The following KALRN variants were observed in gnomAD, a reference collection of about 807,000 sequenced individuals.
KALRN encodes the protein kalirin.
A neutral mutation model predicts 353.7 loss-of-function variants in KALRN; 70 were observed. The observed-to-expected ratio is 0.20, with a 90% CI of 0.16 to 0.24. KALRN has a LOEUF of 0.24. Among genes scored for constraint, KALRN ranks in the 10% least tolerant of loss-of-function variants. The pLI, the probability that KALRN is intolerant of heterozygous loss-of-function variation, is 1.00. For synonymous variants in KALRN, 1,391 were observed against 1,434.8 expected (o/e 0.97, Z 0.69); for missense variants, 2,791 against 3,756.7 (o/e 0.74, Z 6.72).
At chr3:124,130,394 T>A (rs190906864) in intron 1 of KALRN, among the ~76,000 whole-genome samples, 203 of 152,326 alleles carry the variant, frequency 1.3e-3, no homozygotes, top group East Asian at 7.1e-3. Flanking sequence ...AGATTTTTTT[T>A]AAAAACTGCT....
chr3:124,183,182 T>G (rs1304699352), intron 1 of KALRN, among the ~76,000 whole-genome samples: 3 of 152,230 alleles, frequency 2.0e-5, no homozygotes, highest in African/African-American at 4.8e-5. Flanking sequence ...GAGACTGTGT[T>G]AAGCTGTTCT....
chr3:124,573,383 C>A (rs549765166), intron 34 of KALRN, among the ~76,000 whole-genome samples: 157 of 152,324 alleles, frequency 1.0e-3, no homozygotes, highest in African/African-American at 3.7e-3. Context: ...AAGTTCCCTG[C>A]CTGCTCTTTG....
Position 124,577,493 on chromosome 3 carries a change from G to A in KALRN, c.5182+14404G>A, listed in dbSNP as rs41323545. ...TAAGAAGGAGAAGAGATTACTATGC[G>A]TGATTCTGGCAAGCACACTTTTTCT... On this transcript the variant is annotated intron_variant, in intron 34 of 59. Transcript: ENST00000682506. 0.014 allele frequency among the ~76,000 whole-genome samples: 2,098 copies of A among 152,180 alleles called. 122 individuals carry two copies. The East Asian group carries it at 0.18, about 13-fold the overall frequency.
chr3:124,242,641 T>A (rs1214784135), intron 3 of KALRN, among the ~76,000 whole-genome samples: 1 of 152,162 alleles, frequency 6.6e-6, no homozygotes. Context: ...CCACTACGCT[T>A]CAGACTTCCT....
chr3:124,533,717 G>A (rs2068266367), intron 33 of KALRN, among the ~76,000 whole-genome samples: 1 of 152,166 alleles, frequency 6.6e-6, no homozygotes, highest in African/African-American at 2.4e-5. Context: ...TAAGTGAGTG[G>A]AGAGGTGCAA....
intron 1 of KALRN, among the ~76,000 whole-genome samples, chr3:124,039,350 G>T (rs9289230): frequency 0.12 from 18,873 of 152,150 alleles, 1,453 homozygotes; most frequent in African/African-American, 0.22. Context: ...CACTTCATTA[G>T]TATTGTATTG....
chr3:124,425,899 A>G (rs749230379), intron 15 of KALRN, among the ~76,000 whole-genome samples: 2 of 152,174 alleles, frequency 1.3e-5, no homozygotes, highest in Non-Finnish European at 2.9e-5. Context: ...ATACATTCCC[A>G]TTTATAATTT....
chr3:124,204,856 A>G lies in KALRN; in HGVS notation c.74-23134A>G, dbSNP rs867473268. On this transcript the variant is annotated intron_variant, in intron 1 of 59. Transcript: ENST00000682506. ...CAGAATTTAACTGCCTCCCCACCTA[A>G]AACTAGTATTTTCTTTCCAAATTAT... Among the ~76,000 whole-genome samples the G allele has an allele frequency of 2.4e-4, 37 of 152,248 alleles. No individual in the cohort carries two copies. The Middle Eastern group carries it at 0.014, about 56-fold the overall frequency.
chr3:124,190,173 AG>A (rs987107578), intron 1 of KALRN, among the ~76,000 whole-genome samples: 7 of 152,152 alleles, frequency 4.6e-5, no homozygotes, highest in Non-Finnish European at 8.8e-5. Context: ...GAAGAAGAGA[AG>A]GGAAGGAAAG....
intron 48 of KALRN, 89 bp from the exon 49 acceptor site, chr3:124,674,275 G>A: frequency 7.4e-7 from 1 of 1,352,254 alleles, no homozygotes; most frequent in South Asian, 1.5e-5. Context: ...TGGGAGATTT[G>A]GCCTTGAACC....
chr3:124,422,966 T>G lies in KALRN; in HGVS notation c.2697T>G (p.Ala899=). Reference sequence around the variant, plus strand: ...GCCTCCAATTACGTCACCTCCAGGCTGAAGTCAAACAGGTAAGCCCAGCCC... The same window carrying G: ...GCCTCCAATTACGTCACCTCCAGGCGGAAGTCAAACAGGTAAGCCCAGCCC... ...EQCLQLRHLQ[A]EVKQVLGWIR... is the part of the protein sequence containing the mutation. Residue 899 remains alanine (A), a synonymous_variant, in exon 15 of 60, where the codon GCT becomes GCG. Transcript: ENST00000682506. 1 of 1,613,484 alleles carries G rather than the reference T, an allele frequency of 6.2e-7. No individual in the cohort carries two copies. Among genetic ancestry groups the G allele is most frequent in the Non-Finnish European group, 8.5e-7 (1 of 1,179,590 alleles).
chr3:124,317,420 G>C (rs2078910242), intron 6 of KALRN, among the ~76,000 whole-genome samples: 1 of 152,208 alleles, frequency 6.6e-6, no homozygotes, highest in South Asian at 2.1e-4. Flanking sequence ...GATGGCCTAA[G>C]GGTGAAATGT....
chr3:124,456,826 C>A, intron 23 of KALRN, 98 bp downstream of exon 23: 1 of 738,266 alleles, frequency 1.4e-6, no homozygotes, highest in Non-Finnish European at 2.3e-6. Context: ...GTTCTCATGG[C>A]CACCTACAGG....
intron 47 of KALRN, among the ~76,000 whole-genome samples, chr3:124,669,445 A>G (rs1281021638): frequency 6.6e-6 from 1 of 152,226 alleles, no homozygotes; most frequent in African/African-American, 2.4e-5. Context: ...CTGTCCATTT[A>G]GCTTATTTAA....
intron 6 of KALRN, among the ~76,000 whole-genome samples, chr3:124,319,330 T>C (rs899020033): frequency 6.6e-6 from 1 of 151,534 alleles, no homozygotes; most frequent in Non-Finnish European, 1.5e-5. Flanking sequence ...AAACCAAATC[T>C]ATTAAAGTTA....
At chr3:124,284,031 A>G (rs1287241499) in intron 5 of KALRN, among the ~76,000 whole-genome samples, 1 of 152,136 alleles carries the variant, frequency 6.6e-6, no homozygotes, top group Non-Finnish European at 1.5e-5. Context: ...TGACCCAGAC[A>G]TTTGAATAGT....
chr3:124,239,046 G>A (rs770350437), intron 3 of KALRN, among the ~76,000 whole-genome samples: 1 of 152,170 alleles, frequency 6.6e-6, no homozygotes, highest in Non-Finnish European at 1.5e-5. Context: ...AGGAATCTTG[G>A]TGAGGCCTCA....
rs1271569697 is a variant in KALRN at position 124,650,816 on chromosome 3, A to G, written c.5673A>G (p.Glu1891=). ...TTTTTCTCTCTTTTCAGAGTCTAGA[A>G]GGAAGCTCATACCGGGGGAGCTTGA... ...EKLVKNKLSL[E]GSSYRGSLKD... Residue 1891 remains glutamate, a synonymous_variant, in exon 38 of 60, where the codon GAA becomes GAG. Transcript: ENST00000682506. 2 of 1,613,526 alleles carry G rather than the reference A, an allele frequency of 1.2e-6. No individual in the cohort carries two copies. Among genetic ancestry groups the G allele is most frequent in the Admixed American group, 3.3e-5 (2 of 60,008 alleles).
In KALRN at chr3:124,268,993, A is replaced by G. The variant is rs1283525207; in HGVS notation, c.707A>G (p.Lys236Arg). 2 of 1,614,078 alleles carry G rather than the reference A, an allele frequency of 1.2e-6. No homozygotes were observed. The highest frequency in any genetic ancestry group is 1.7e-6 in the Non-Finnish European group (2 of 1,179,996). Residue 236 changes from lysine to arginine, a missense_variant, in exon 5 of 60, where the codon AAG becomes AGG. This residue lies in a region of KALRN where 366 missense variants were observed against 489.2 expected (regional missense o/e 0.75). Transcript: ENST00000682506. Reference sequence around the variant, plus strand: ...CTCATTGACGAACACACACAGCTCAAGAAAAAGGTGCTGAAGGCCCCTGTG... The same window carrying G: ...CTCATTGACGAACACACACAGCTCAGGAAAAAGGTGCTGAAGGCCCCTGTG... ...RRLIDEHTQL[K>R]KKVLKAPVEE...
Sources: gnomAD v4.1 joint callset for allele counts (sites outside exome capture counted in the v4.1 genomes callset) on GRCh38, gnomAD v4.1.1 for gene constraint, gnomAD v4.1.1 regional missense constraint, MANE v1.5 for transcripts, NCBI Gene and HGNC (gene_info 2026-07-23, HGNC 2026-07-21) for gene names.